The following KCNMA1 variants were observed in gnomAD, a reference collection of about 807,000 sequenced individuals.
KCNMA1 encodes Calcium-activated potassium channel subunit alpha-1.
In KCNMA1, 29 loss-of-function variants were observed where a neutral mutation model predicts 140.0. The ratio of observed to expected loss-of-function variants is 0.21; its 90% CI spans 0.15 to 0.28. The LOEUF (loss-of-function observed/expected upper bound fraction) is 0.28, where lower values mean the gene tolerates loss of function less well. KCNMA1 is among the 10% of genes least tolerant of loss of function. KCNMA1 has a pLI of 1.00. For missense variants in KCNMA1, 880 were observed against 1,602.2 expected, an observed-to-expected ratio of 0.55 and a Z score of 7.70; for synonymous variants, 612 against 611.9, an observed-to-expected ratio of 1.00 and a Z score of 0.00.
At chr10:76,941,623 C>A (rs1334695076) in intron 23 of KCNMA1, among the ~76,000 whole-genome samples, 2 of 152,170 alleles carry the variant, frequency 1.3e-5, no homozygotes, top group Non-Finnish European at 2.9e-5. Flanking sequence ...AGCTTTGACA[C>A]TCTCTCTTAG....
At chr10:77,427,965 A>G (rs1387765867) in intron 1 of KCNMA1, among the ~76,000 whole-genome samples, 1 of 151,884 alleles carries the variant, frequency 6.6e-6, no homozygotes, top group East Asian at 1.9e-4. Context: ...GTTGGCCAGG[A>G]TGGTCTTGAT....
At chr10:77,277,063 A>G (rs1211430410) in intron 2 of KCNMA1, among the ~76,000 whole-genome samples, 1 of 152,126 alleles carries the variant, frequency 6.6e-6, no homozygotes, top group Non-Finnish European at 1.5e-5. Flanking sequence ...TGTGTGGTTC[A>G]TGCCTTCTCT....
At chr10:77,300,193 T>C (rs2154330975) in intron 2 of KCNMA1, among the ~76,000 whole-genome samples, 1 of 152,270 alleles carries the variant, frequency 6.6e-6, no homozygotes, top group South Asian at 2.1e-4. Context: ...GGTACCCTGA[T>C]TAAGGGAAAG....
At chr10:77,035,794 G>A (rs2094285529) in intron 15 of KCNMA1, among the ~76,000 whole-genome samples, 1 of 152,164 alleles carries the variant, frequency 6.6e-6, no homozygotes, top group Non-Finnish European at 1.5e-5. Context: ...AGGAAAAGGA[G>A]AGGAGGGAGA....
intron 7 of KCNMA1, among the ~76,000 whole-genome samples, chr10:77,112,059 G>T (rs1281478249): frequency 6.6e-6 from 1 of 152,188 alleles, no homozygotes; most frequent in Non-Finnish European, 1.5e-5. Flanking sequence ...TGCTTAGGAA[G>T]CACTGCCATC....
intron 3 of KCNMA1, among the ~76,000 whole-genome samples, chr10:77,207,895 G>A (rs917301674): frequency 1.8e-4 from 28 of 152,236 alleles, no homozygotes; most frequent in East Asian, 1.5e-3. Flanking sequence ...TCTTTGCATT[G>A]ACATTTCTGT....
rs1007672094 is a variant in KCNMA1, at chr10:77,088,577, G to T, written c.1334+1823C>A. Among the ~76,000 whole-genome samples the T allele has an allele frequency of 2.6e-5, 4 of 152,004 alleles. No homozygotes were observed. The East Asian group carries it at 7.8e-4, about 30-fold the overall frequency. On this transcript the variant is annotated intron_variant, in intron 10 of 27. Coordinates refer to ENST00000286628, the MANE Select transcript of KCNMA1 (RefSeq NM_001161352.2). ...CCAGAGTAGCGAGGGCTACAGGCACGTGCCCCTATGCCTGGCTAATCTTTC... is the reference window on the plus strand; with the variant it reads ...CCAGAGTAGCGAGGGCTACAGGCACTTGCCCCTATGCCTGGCTAATCTTTC...
intron 19 of KCNMA1, among the ~76,000 whole-genome samples, chr10:77,000,138 A>C (rs2085739604): frequency 6.6e-6 from 1 of 152,176 alleles, no homozygotes; most frequent in Non-Finnish European, 1.5e-5. Flanking sequence ...CTGCTAGGAA[A>C]GTGTAGCTCA....
intron 5 of KCNMA1, among the ~76,000 whole-genome samples, chr10:77,146,330 C>G (rs969561469): frequency 1.3e-5 from 2 of 152,000 alleles, no homozygotes; most frequent in Non-Finnish European, 2.9e-5. Context: ...AAGTTTTGAC[C>G]CTGGCTCTGC....
At chr10:77,497,698 G>A (rs994955153) in intron 1 of KCNMA1, among the ~76,000 whole-genome samples, 9 of 152,224 alleles carry the variant, frequency 5.9e-5, no homozygotes, top group African/African-American at 1.4e-4. Flanking sequence ...AGAATCTGAG[G>A]TTGTAATGGT....
intron 17 of KCNMA1, among the ~76,000 whole-genome samples, chr10:77,012,737 C>T (rs377071208): frequency 6.6e-6 from 1 of 152,256 alleles, no homozygotes; most frequent in East Asian, 1.9e-4. Flanking sequence ...CAGCTGACCA[C>T]TGGAAGGGGG....
intron 1 of KCNMA1, among the ~76,000 whole-genome samples, chr10:77,577,756 T>C (rs1479033271): frequency 6.6e-6 from 1 of 152,158 alleles, no homozygotes; most frequent in Admixed American, 6.5e-5. Context: ...AAGCCAGAAT[T>C]TGAACTCTGA....
At chr10:77,495,634 G>A (rs1039715378) in intron 1 of KCNMA1, among the ~76,000 whole-genome samples, 9 of 152,200 alleles carry the variant, frequency 5.9e-5, no homozygotes, top group Admixed American at 2.6e-4. Flanking sequence ...AGAAGCCTGC[G>A]GGGAAGCTCC....
intron 1 of KCNMA1, among the ~76,000 whole-genome samples, chr10:77,503,671 G>A (rs912039326): frequency 1.3e-5 from 2 of 152,196 alleles, no homozygotes; most frequent in African/African-American, 4.8e-5. Flanking sequence ...TACATACTAA[G>A]CACCTGTTCC....
At chr10:77,191,121 T>C (rs1294904587) in intron 3 of KCNMA1, among the ~76,000 whole-genome samples, 1 of 152,204 alleles carries the variant, frequency 6.6e-6, no homozygotes, top group Non-Finnish European at 1.5e-5. Flanking sequence ...TGGCTACCTC[T>C]GGATATCCTG....
intron 3 of KCNMA1, among the ~76,000 whole-genome samples, chr10:77,237,394 A>G (rs1266021500): frequency 6.6e-6 from 1 of 152,192 alleles, no homozygotes; most frequent in African/African-American, 2.4e-5. Flanking sequence ...GTAAGCCAAG[A>G]AGGTCTGGTC....
intron 1 of KCNMA1, chr10:77,636,584 G>A: frequency 6.5e-7 from 1 of 1,536,172 alleles, no homozygotes; most frequent in African/African-American, 1.4e-5. Context: ...GGGACGGAGT[G>A]GGAGGTTACA....
intron 1 of KCNMA1, among the ~76,000 whole-genome samples, chr10:77,581,667 C>T (rs920866144): frequency 4.6e-5 from 7 of 152,206 alleles, no homozygotes; most frequent in Admixed American, 2.0e-4. Flanking sequence ...ACCCAACTGC[C>T]GTGCTCAGTT....
At chr10:77,189,150 C>T (rs2098915360) in intron 3 of KCNMA1, among the ~76,000 whole-genome samples, 1 of 152,042 alleles carries the variant, frequency 6.6e-6, no homozygotes, top group African/African-American at 2.4e-5. Flanking sequence ...TTACAGTTTC[C>T]CAGATAATGG....
Sources: allele counts gnomAD v4.1 joint callset (sites outside exome capture counted in the v4.1 genomes callset), GRCh38; gene constraint gnomAD v4.1.1; transcripts MANE v1.5; gene names NCBI Gene and HGNC (gene_info 2026-07-23, HGNC 2026-07-21).